COPS7B: variants seen among roughly 807,000 people sequenced by gnomAD.
COPS7B encodes the protein COP9 signalosome subunit 7B, also known as COP9 signalosome complex subunit 7b.
A neutral mutation model predicts 33.4 loss-of-function variants in COPS7B; 9 were observed. That is an observed-to-expected ratio of 0.27 (90% CI 0.16 to 0.47). The LOEUF (loss-of-function observed/expected upper bound fraction) is 0.47, where lower values mean the gene tolerates loss of function less well. COPS7B is among the 20% of genes least tolerant of loss of function. The probability of loss-of-function intolerance (pLI) is 0.99; values close to 1 mark genes in which losing one functional copy is unlikely to be tolerated. For synonymous variants in COPS7B, 119 were observed against 126.3 expected (o/e 0.94, Z 0.39); for missense variants, 242 against 318.2 (o/e 0.76, Z 1.82).
At chr2:231,798,254 C>CTTT (rs532747492) in intron 5 of COPS7B, among the ~76,000 whole-genome samples, 22 of 116,748 alleles carry the variant, frequency 1.9e-4, no homozygotes, top group Non-Finnish European at 3.1e-4. Flanking sequence ...ATTCTACCTT[C>CTTT]TTTTTTTTTT....
upstream of COPS7B, chr2:231,786,002 G>A (rs1269803059): frequency 6.6e-6 from 1 of 152,028 alleles, no homozygotes; most frequent in East Asian, 1.9e-4. Flanking sequence ...TGAAAAATGG[G>A]AACAATAATA....
chr2:231,786,911 CTT>C (rs1483668798), intron 1 of COPS7B, among the ~76,000 whole-genome samples: 1 of 152,248 alleles, frequency 6.6e-6, no homozygotes, highest in Non-Finnish European at 1.5e-5. Context: ...GTCTCCGTCT[CTT>C]TACATTCTCT....
chr2:231,781,750 C>T (rs2049136568), upstream of COPS7B: 4 of 1,327,240 alleles, frequency 3.0e-6, no homozygotes, highest in Non-Finnish European at 4.2e-6. Context: ...CACAAACCCG[C>T]CCGCTGAGTT....
intron 2 of COPS7B, chr2:231,790,243 A>G (rs1481530081): frequency 6.6e-6 from 1 of 152,256 alleles, no homozygotes; most frequent in East Asian, 1.9e-4. Flanking sequence ...AAGATTGGCT[A>G]AGAGGAGATG....
At chr2:231,805,677 A>ATGTCATCTAGGC (rs1220185372) in intron 6 of COPS7B, among the ~76,000 whole-genome samples, 1 of 151,250 alleles carries the variant, frequency 6.6e-6, no homozygotes, top group African/African-American at 2.4e-5. Flanking sequence ...TCTTACTTGA[A>ATGTCATCTAGGC]TGTCATCTAG....
At chr2:231,786,855 G>C (rs925222885) in intron 1 of COPS7B, among the ~76,000 whole-genome samples, 2 of 152,188 alleles carry the variant, frequency 1.3e-5, no homozygotes, top group Non-Finnish European at 2.9e-5. Flanking sequence ...ATTTATCTCC[G>C]CTCTGTGCCT....
At chr2:231,792,206 C>A in intron 3 of COPS7B, 1 of 426,844 alleles carries the variant, frequency 2.3e-6, no homozygotes, top group South Asian at 1.8e-5. Flanking sequence ...AAAAGTCACT[C>A]ATAGGCTGGG....
At chr2:231,796,668 A>G (rs1473864720) in intron 5 of COPS7B, among the ~76,000 whole-genome samples, 2 of 152,204 alleles carry the variant, frequency 1.3e-5, no homozygotes, top group Non-Finnish European at 2.9e-5. Flanking sequence ...AAACTCAGGA[A>G]GGCTAGTGTT....
At position 231,807,762 on chromosome 2, in the gene COPS7B, C is replaced by T. The variant is rs1207664645; in HGVS notation, c.*117C>T. ...GTTCCAGACCTGCCCGTCCCCTCAC[C>T]AGCGCCTCCCCACCCTGTTGGTACT... On this transcript the variant is annotated 3_prime_UTR_variant, in exon 7 of 7. Coordinates refer to ENST00000350033, the MANE Select transcript of COPS7B (RefSeq NM_022730.4). The T allele has an allele frequency of 7.9e-6, 7 of 889,570 alleles. No homozygotes were observed. In the South Asian group the frequency reaches 9.0e-5, roughly 11 times the overall value. The allele number at this position is 889,570 out of a possible 1,614,324, so 55.1% of individuals were successfully genotyped here.
intron 1 of COPS7B, among the ~76,000 whole-genome samples, chr2:231,788,301 A>G (rs115821152): frequency 0.17 from 26,418 of 151,988 alleles, 2,739 homozygotes; most frequent in Non-Finnish European, 0.23. Flanking sequence ...CAGCCTAGCT[A>G]ATTTTTGTAT....
At chr2:231,796,899 A>G (rs1210443203) in intron 5 of COPS7B, among the ~76,000 whole-genome samples, 4 of 152,238 alleles carry the variant, frequency 2.6e-5, no homozygotes, top group East Asian at 3.8e-4. Context: ...CTGGTATATA[A>G]AAAGCATTGG....
chr2:231,803,862 G>A (rs2049817771), intron 6 of COPS7B, among the ~76,000 whole-genome samples: 1 of 152,216 alleles, frequency 6.6e-6, no homozygotes, highest in Admixed American at 6.5e-5. Flanking sequence ...GAGTAAAACA[G>A]CAAAGCCTTG....
chr2:231,784,573 T>G (rs139140731), upstream of COPS7B, among the ~76,000 whole-genome samples: 161 of 152,294 alleles, frequency 1.1e-3, no homozygotes, highest in African/African-American at 3.6e-3. Flanking sequence ...TGCTGGAATT[T>G]CTATGAAGTC....
In COPS7B at chr2:231,806,198, T is replaced by C. The variant is rs537245449; in HGVS notation, c.637-1289T>C. ...TTTGCATTTGGACTGTCTCTTACCC[T>C]CAAGCTCATAATATTCTGACTGTTG... On this transcript the variant is annotated intron_variant, in intron 6 of 6. Transcript: ENST00000350033. Among the ~76,000 whole-genome samples the C allele has an allele frequency of 5.3e-5, 8 of 152,218 alleles. No individual in the cohort carries two copies. The South Asian group carries it at 1.7e-3, about 32-fold the overall frequency.
chr2:231,801,773 T>C (rs1252411424), intron 6 of COPS7B, among the ~76,000 whole-genome samples: 1 of 152,022 alleles, frequency 6.6e-6, no homozygotes, highest in Non-Finnish European at 1.5e-5. Context: ...CAACCTACTT[T>C]TCTTTTTTTC....
chr2:231,792,059 AT>A, intron 3 of COPS7B: 1 of 643,862 alleles, frequency 1.6e-6, no homozygotes, highest in South Asian at 1.5e-5. Context: ...TCCAGATGAG[AT>A]TCTTGAGGAC....
intron 6 of COPS7B, among the ~76,000 whole-genome samples, chr2:231,804,957 A>T (rs2049849712): frequency 6.6e-6 from 1 of 152,202 alleles, no homozygotes; most frequent in African/African-American, 2.4e-5. Context: ...AAATATATCA[A>T]ATTGGAGAAG....
rs186208335 is a variant in COPS7B at position 231,786,814 on chromosome 2, T to A, written c.-17+276T>A. On this transcript the variant is annotated intron_variant, in intron 1 of 6. Coordinates refer to ENST00000350033, the MANE Select transcript of COPS7B (RefSeq NM_022730.4). ...AGGCTGCTCGTTTGCCCCTCTCCAG[T>A]CCATCCAAATAGCGCCCTCCCCTGA... Among the ~76,000 whole-genome samples, 362 of 152,252 alleles carry A rather than the reference T, an allele frequency of 2.4e-3. 3 individuals are homozygous for A. Among genetic ancestry groups the A allele is most frequent in the African/African-American group, 7.9e-3 (328 of 41,552 alleles).
upstream of COPS7B, among the ~76,000 whole-genome samples, chr2:231,784,437 G>C (rs2049192885): frequency 6.6e-6 from 1 of 152,000 alleles, no homozygotes; most frequent in Non-Finnish European, 1.5e-5. Flanking sequence ...AGCTATGATA[G>C]TGCCACTGCA....
Sources: allele counts gnomAD v4.1 joint callset (sites outside exome capture counted in the v4.1 genomes callset), GRCh38; gene constraint gnomAD v4.1.1; transcripts MANE v1.5; gene names NCBI Gene and HGNC (gene_info 2026-07-23, HGNC 2026-07-21).